OGG1: variants seen among roughly 807,000 people sequenced by gnomAD.
OGG1 encodes N-glycosylase/DNA lyase.
A neutral mutation model predicts 42.3 loss-of-function variants in OGG1; 35 were observed. The observed-to-expected ratio is 0.83, with a 90% confidence interval of 0.63 to 1.10. The LOEUF is 1.10. OGG1 is among the 50% of genes least tolerant of loss of function. OGG1 has a pLI of 0.00. For missense variants in OGG1, 484 were observed against 446.7 expected, an observed-to-expected ratio of 1.08 and a Z score of -0.75; for synonymous variants, 189 against 179.0, an observed-to-expected ratio of 1.06 and a Z score of -0.44.
chr3:9,750,934 C>T lies in OGG1; in HGVS notation c.138-11C>T. 6.2e-7 allele frequency: 1 copy of T among 1,613,816 alleles called. No individual in the cohort carries two copies. Among genetic ancestry groups the T allele is most frequent in the Non-Finnish European group, 8.5e-7 (1 of 1,179,968 alleles). On this transcript the variant is annotated splice_polypyrimidine_tract_variant and intron_variant, in intron 1 of 6. Coordinates refer to ENST00000344629, the MANE Select transcript of OGG1 (RefSeq NM_002542.6). Reference sequence around the variant, plus strand: ...ATTGAGTGCCAGGGTTGTCATGTGCCTTGGGCTCAGGTGGAGGGAGCAAAG... The same window carrying T: ...ATTGAGTGCCAGGGTTGTCATGTGCTTTGGGCTCAGGTGGAGGGAGCAAAG...
chr3:9,780,282 C>G (rs1251372368), intron 2 of OGG1: 8 of 1,480,566 alleles, frequency 5.4e-6, no homozygotes, highest in Non-Finnish European at 7.3e-6. Flanking sequence ...CCAATGTTTC[C>G]TGTGCCCAAA....
At chr3:9,784,268 C>T (rs2078552305) in intron 3 of OGG1, 4 of 1,563,366 alleles carry the variant, frequency 2.6e-6, no homozygotes, top group African/African-American at 2.7e-5. Flanking sequence ...GAAGGGCCCA[C>T]CTTGGAGGTT....
chr3:9,759,164 A>G (rs2125566864), downstream of OGG1: 1 of 1,567,272 alleles, frequency 6.4e-7, no homozygotes, highest in Non-Finnish European at 8.8e-7. Context: ...GCTATGCCTC[A>G]CTAATTCCTA....
rs543853407 is a variant in OGG1 at position 9,763,086 on chromosome 3, G to T, written c.1049-2723G>T. On this transcript the variant is annotated intron_variant, in intron 7 of 7. Transcript: ENST00000302008. Reference sequence around the variant, plus strand: ...GGGGATAGGGCAGTCTGGCAAAGAGGGTTGGGACAGCTGGGAGAGGTGTGG... The same window carrying T: ...GGGGATAGGGCAGTCTGGCAAAGAGTGTTGGGACAGCTGGGAGAGGTGTGG... 4.8e-5 allele frequency: 78 copies of T among 1,614,144 alleles called. 1 individual carries two copies. In the South Asian group the frequency reaches 8.0e-4, roughly 17 times the overall value.
chr3:9,780,684 G>C lies in OGG1; in HGVS notation c.295-829G>C. On this transcript the variant is annotated intron_variant, in intron 2 of 3. Transcript: ENST00000426518. ...TGTGTCATACAGTCGTGACCAAAAA[G>C]CAGTTACTGACCTACACTTACATGG... 4.8e-6 allele frequency: 4 copies of C among 835,900 alleles called. No homozygotes were observed. The South Asian group carries it at 5.5e-5, about 11-fold the overall frequency. 51.8% of individuals were successfully genotyped at this position (835,900 alleles called of 1,614,324 possible). A position where few individuals can be genotyped will look rare whatever the true frequency, so the allele number is the denominator to read the frequency against.
intron 3 of OGG1, among the ~76,000 whole-genome samples, chr3:9,784,900 T>C (rs1230882104): frequency 6.6e-6 from 1 of 151,970 alleles, no homozygotes; most frequent in Non-Finnish European, 1.5e-5. Flanking sequence ...AAGAAATATA[T>C]TTTAAGTAAA....
chr3:9,781,403 C>G (rs1288281823), intron 2 of OGG1: 1 of 426,530 alleles, frequency 2.3e-6, no homozygotes, highest in African/African-American at 2.0e-5. Context: ...TCATATGTTA[C>G]CCGTGAGGAA....
intron 3 of OGG1, among the ~76,000 whole-genome samples, chr3:9,752,912 G>A (rs925925118): frequency 4.6e-5 from 7 of 152,028 alleles, no homozygotes; most frequent in African/African-American, 1.4e-4. Context: ...TTAGTCAGGC[G>A]TGATGGCAGG....
At chr3:9,753,333 C>CA (rs2077391052) in intron 3 of OGG1, among the ~76,000 whole-genome samples, 1 of 103,960 alleles carries the variant, frequency 9.6e-6, no homozygotes, top group South Asian at 2.9e-4. Context: ...GACAGGGCGA[C>CA]AGGGCGAGAC....
intron 7 of OGG1, chr3:9,763,036 G>A: frequency 1.2e-6 from 2 of 1,614,102 alleles, no homozygotes; most frequent in Non-Finnish European, 1.7e-6. Flanking sequence ...CGGTCAAAGA[G>A]CTCCCCACCC....
At chr3:9,783,265 A>G (rs1423719603) in intron 3 of OGG1, 1 of 152,218 alleles carries the variant, frequency 6.6e-6, no homozygotes, top group Non-Finnish European at 1.5e-5. Context: ...AACAATGTGA[A>G]TATGGGTAAC....
At chr3:9,787,513 T>C in intron 3 of OGG1, 2 of 1,044,364 alleles carry the variant, frequency 1.9e-6, no homozygotes, top group East Asian at 5.2e-5. Context: ...CTTCACACTC[T>C]AGTAAGGGAG....
chr3:9,752,788 C>T (rs2077364890), intron 3 of OGG1, among the ~76,000 whole-genome samples: 1 of 152,024 alleles, frequency 6.6e-6, no homozygotes, highest in Admixed American at 6.5e-5. Flanking sequence ...TGGTGGCTCA[C>T]GCCTGTAATC....
At chr3:9,762,950 G>T (rs1223178911) in intron 7 of OGG1, 7 of 1,614,016 alleles carry the variant, frequency 4.3e-6, no homozygotes, top group African/African-American at 1.3e-5. Context: ...GGTCATGCAG[G>T]TATTTCACAG....
At chr3:9,772,520 CTT>C (rs1297571089) in intron 2 of OGG1, among the ~76,000 whole-genome samples, 3 of 152,212 alleles carry the variant, frequency 2.0e-5, no homozygotes, top group East Asian at 1.9e-4. Flanking sequence ...ACGTTGGCCT[CTT>C]TTTCTCTCCA....
At position 9,784,217 on chromosome 3, in the gene OGG1, C is replaced by T. The variant is rs892431240; in HGVS notation, c.382+2617C>T. 10 of 1,600,594 alleles carry T rather than the reference C, an allele frequency of 6.2e-6. No homozygotes were observed. In the African/African-American group the frequency reaches 1.1e-4, roughly 17 times the overall value. ...CAGGGACTTAGTATGCGGCACACTG[C>T]AGCGGGAGGCAGGCCCGTCAGACTC... On this transcript the variant is annotated intron_variant, in intron 3 of 3. Transcript: ENST00000426518.
At chr3:9,783,353 CTT>C (rs1448938816) in intron 3 of OGG1, 3 of 151,490 alleles carry the variant, frequency 2.0e-5, no homozygotes, top group African/African-American at 4.9e-5. Context: ...CAGTTTCACT[CTT>C]GTTGCCCAGG....
chr3:9,772,512 G>A (rs933872573), intron 2 of OGG1, among the ~76,000 whole-genome samples: 1 of 152,170 alleles, frequency 6.6e-6, no homozygotes, highest in East Asian at 1.9e-4. Flanking sequence ...TTCTTCACAC[G>A]TTGGCCTCTT....
chr3:9,756,004 C>T (rs2077533044), intron 4 of OGG1, among the ~76,000 whole-genome samples: 2 of 152,220 alleles, frequency 1.3e-5, no homozygotes, highest in Middle Eastern at 3.4e-3. Context: ...CTAGTAGCAC[C>T]TCTTATTACA....
Sources: allele counts gnomAD v4.1 joint callset (sites outside exome capture counted in the v4.1 genomes callset), GRCh38; gene constraint gnomAD v4.1.1; transcripts MANE v1.5; gene names NCBI Gene and HGNC (gene_info 2026-07-23, HGNC 2026-07-21).